ARID3B: variants seen among roughly 807,000 people sequenced by gnomAD.
ARID3B encodes AT-rich interaction domain 3B.
ARID3B carries 10 observed loss-of-function variants against 51.9 expected under a neutral mutation model. The ratio of observed to expected loss-of-function variants is 0.19; its 90% CI spans 0.12 to 0.33. ARID3B has a LOEUF of 0.33. ARID3B is among the 10% of genes least tolerant of loss of function. ARID3B has a pLI of 1.00. For missense variants in ARID3B, 483 were observed against 716.3 expected (o/e 0.67, Z 3.72); for synonymous variants, 205 against 279.5 (o/e 0.73, Z 2.66).
chr15:74,576,242 A>G (rs1436900890), intron 4 of ARID3B, among the ~76,000 whole-genome samples: 1 of 152,160 alleles, frequency 6.6e-6, no homozygotes, highest in East Asian at 1.9e-4. Context: ...ACTAGATACC[A>G]ATATCAGCCC....
intron 4 of ARID3B, chr15:74,574,933 T>C (rs946056196): frequency 1.5e-4 from 22 of 144,872 alleles, no homozygotes; most frequent in African/African-American, 4.7e-4. Context: ...ACTCGGGAGA[T>C]GGAGGTTGCA....
intron 4 of ARID3B, among the ~76,000 whole-genome samples, chr15:74,578,919 G>T (rs867541491): frequency 1.3e-5 from 2 of 151,944 alleles, no homozygotes; most frequent in African/African-American, 2.4e-5. Context: ...GAAGGAAAGG[G>T]AAAGGGAAAT....
chr15:74,565,714 A>G (rs1299188770), intron 2 of ARID3B, among the ~76,000 whole-genome samples: 1 of 151,528 alleles, frequency 6.6e-6, no homozygotes, highest in Non-Finnish European at 1.5e-5. Flanking sequence ...TCTTAGAAGC[A>G]TGGTCTCGTT....
intron 4 of ARID3B, among the ~76,000 whole-genome samples, chr15:74,585,814 A>G (rs756910622): frequency 6.6e-6 from 1 of 152,250 alleles, no homozygotes; most frequent in Non-Finnish European, 1.5e-5. Flanking sequence ...AGCACAAAGC[A>G]AACTGCTGAG....
At chr15:74,555,021 A>T (rs1231288894) in intron 2 of ARID3B, among the ~76,000 whole-genome samples, 1 of 152,080 alleles carries the variant, frequency 6.6e-6, no homozygotes, top group African/African-American at 2.4e-5. Context: ...GAAATGGTAG[A>T]TGTTTGTGGT....
intron 4 of ARID3B, among the ~76,000 whole-genome samples, chr15:74,580,682 G>A (rs1414625792): frequency 5.3e-5 from 8 of 152,168 alleles, no homozygotes; most frequent in African/African-American, 1.7e-4. Context: ...GACTTAGCAC[G>A]CGGTCTCCTA....
chr15:74,561,131 G>A (rs913434083), intron 2 of ARID3B, among the ~76,000 whole-genome samples: 1 of 151,854 alleles, frequency 6.6e-6, no homozygotes, highest in Non-Finnish European at 1.5e-5. Flanking sequence ...ATCAAGTAGG[G>A]GTTTAAAATT....
chr15:74,562,040 T>TAA lies in ARID3B; in HGVS notation c.553-10804_553-10803dup, dbSNP rs529889069. Among the ~76,000 whole-genome samples the TAA allele has an allele frequency of 2.8e-3, 348 of 125,434 alleles. 4 individuals are homozygous for TAA. The highest frequency in any genetic ancestry group is 0.017 in the South Asian group (65 of 3,802). The allele number at this position is 125,434 out of a possible 152,430, so 82.3% of individuals were successfully genotyped here. A position where few individuals can be genotyped will look rare whatever the true frequency, so the allele number is the denominator to read the frequency against. ...CTGGCGACAGAGCAAGACTCTGTCT[T>TAA]AAAAAAAAAAAAAAAAAAAGCAGGC... On this transcript the variant is annotated intron_variant, in intron 2 of 8. Transcript: ENST00000346246.
At chr15:74,577,095 G>A (rs1431009173) in intron 4 of ARID3B, among the ~76,000 whole-genome samples, 1 of 152,188 alleles carries the variant, frequency 6.6e-6, no homozygotes, top group African/African-American at 2.4e-5. Flanking sequence ...GAGGCAGGAA[G>A]ATAGTGTAGA....
At chr15:74,564,687 A>C (rs1177468550) in intron 2 of ARID3B, among the ~76,000 whole-genome samples, 2 of 152,170 alleles carry the variant, frequency 1.3e-5, no homozygotes, top group South Asian at 4.2e-4. Flanking sequence ...TGCAGCCTCC[A>C]TCTTTCAGGC....
In ARID3B at chr15:74,591,727, GAGC is replaced by G. The variant is rs1687104202; in HGVS notation, c.1337_1339del (p.Gln446del). 6.2e-7 allele frequency: 1 copy of G among 1,614,086 alleles called. No individual in the cohort carries two copies. Among genetic ancestry groups the G allele is most frequent in the Non-Finnish European group, 8.5e-7 (1 of 1,180,052 alleles). On this transcript the variant is annotated inframe_deletion, in exon 7 of 9. Coordinates refer to ENST00000346246, the MANE Select transcript of ARID3B (RefSeq NM_006465.4). This position sits in a 1 kb window ranked among gnomAD's most constrained non-coding sequence, Gnocchi z 5.8. ...GAAGGCATCGAGGCTGTCTGAGGAG[GAGC>G]AGCGCCTGGTGCAGCAGGCCTTCCA... is the stretch of plus-strand genomic sequence containing the variant.
At chr15:74,566,861 T>C (rs1469358386) in intron 2 of ARID3B, among the ~76,000 whole-genome samples, 1 of 152,232 alleles carries the variant, frequency 6.6e-6, no homozygotes, top group South Asian at 2.1e-4. Flanking sequence ...TCATCTGTCT[T>C]GTTCCTTTTC....
At chr15:74,589,049 TA>T (rs1279858642) in intron 4 of ARID3B, among the ~76,000 whole-genome samples, 2 of 102,928 alleles carry the variant, frequency 1.9e-5, no homozygotes, top group Admixed American at 1.3e-4. Context: ...TTTTTTTTTT[TA>T]AGACAGTCTC....
chr15:74,558,365 A>C (rs1192231546), intron 2 of ARID3B, among the ~76,000 whole-genome samples: 1 of 151,750 alleles, frequency 6.6e-6, no homozygotes, highest in African/African-American at 2.4e-5. Context: ...CTTCAGCTCT[A>C]TCTGTTCTAC....
intron 1 of ARID3B, 36 bp downstream of exon 1, chr15:74,541,366 C>T: frequency 6.6e-6 from 1 of 152,484 alleles, no homozygotes; most frequent in Non-Finnish European, 1.5e-5. Context: ...TCAGGCATGG[C>T]GGGAGAGGAG....
rs375774251 is a variant in ARID3B, at chr15:74,543,344, C to T, written c.-77-516C>T. On this transcript the variant is annotated intron_variant, in intron 1 of 8. Transcript: ENST00000346246. ...GCTTTTTCTATGAGAGTAAAACTGT[C>T]TGCCTGATAGTTCTGTGTCTAGCTT... Among the ~76,000 whole-genome samples the T allele has an allele frequency of 3.9e-5, 6 of 152,290 alleles. No homozygotes were observed. The East Asian group carries it at 9.6e-4, about 24-fold the overall frequency.
At chr15:74,568,334 G>C (rs1000170769) in intron 2 of ARID3B, among the ~76,000 whole-genome samples, 1 of 152,130 alleles carries the variant, frequency 6.6e-6, no homozygotes, top group Admixed American at 6.6e-5. Flanking sequence ...CTCCCTTCCT[G>C]ATCTCCTTAT....
intron 8 of ARID3B, 88 bp from the exon 9 acceptor site, chr15:74,595,523 T>C: frequency 1.4e-6 from 2 of 1,464,944 alleles, no homozygotes; most frequent in South Asian, 1.3e-5. Flanking sequence ...AGGCACAGGC[T>C]AGGCCAGCGG....
intron 4 of ARID3B, chr15:74,574,817 A>G (rs2141467368): frequency 6.6e-6 from 1 of 152,224 alleles, no homozygotes; most frequent in Admixed American, 6.5e-5. Context: ...ATCCTGGCCA[A>G]CATGGTGAAA....
Sources: gnomAD v4.1 joint callset for allele counts (sites outside exome capture counted in the v4.1 genomes callset) on GRCh38, gnomAD v4.1.1 for gene constraint, Gnocchi (gnomAD v3.1) non-coding constraint, MANE v1.5 for transcripts, NCBI Gene and HGNC (gene_info 2026-07-23, HGNC 2026-07-21) for gene names.